Variants in RAP1A observed in about 807,000 individuals in gnomAD.
The protein encoded by RAP1A is RAP1A, member of RAS oncogene family.
In RAP1A, 6 loss-of-function variants were observed where a neutral mutation model predicts 26.4. The observed-to-expected ratio is 0.23, with a 90% CI of 0.12 to 0.45. The LOEUF (loss-of-function observed/expected upper bound fraction) is 0.45. Ranked by LOEUF, RAP1A falls within the 20% of genes least tolerant of loss-of-function variation. The probability of loss-of-function intolerance (pLI) is 0.99; values close to 1 mark genes in which losing one functional copy is unlikely to be tolerated. For missense variants in RAP1A, 121 were observed against 217.2 expected (o/e 0.56, Z 2.78); for synonymous variants, 73 against 79.4 (o/e 0.92, Z 0.43).
intron 1 of RAP1A, among the ~76,000 whole-genome samples, chr1:111,675,222 C>G (rs988850743): frequency 1.3e-5 from 2 of 152,150 alleles, no homozygotes; most frequent in African/African-American, 4.8e-5. Context: ...TGGCTCACAC[C>G]TGTAATCCCA....
chr1:111,687,261 G>A (rs1237014657), intron 1 of RAP1A, among the ~76,000 whole-genome samples: 3 of 148,500 alleles, frequency 2.0e-5, no homozygotes, highest in African/African-American at 7.5e-5. Flanking sequence ...AGGGTGGAGT[G>A]CAGTGGCATA....
At chr1:111,663,869 A>C (rs1450832843) in intron 1 of RAP1A, among the ~76,000 whole-genome samples, 1 of 151,794 alleles carries the variant, frequency 6.6e-6, no homozygotes, top group Non-Finnish European at 1.5e-5. Flanking sequence ...AGAAAAAGGC[A>C]CTTAAAAAAA....
intron 1 of RAP1A, among the ~76,000 whole-genome samples, chr1:111,646,120 A>C (rs539918165): frequency 6.6e-6 from 1 of 152,346 alleles, no homozygotes; most frequent in East Asian, 1.9e-4. Context: ...ATTTTTATAT[A>C]GTTGAAGGCA....
intron 1 of RAP1A, among the ~76,000 whole-genome samples, chr1:111,573,460 G>T (rs1004404138): frequency 6.6e-6 from 1 of 152,018 alleles, no homozygotes; most frequent in African/African-American, 2.4e-5. Flanking sequence ...TCAGCCTCCA[G>T]AGTAGCTGGG....
intron 1 of RAP1A, among the ~76,000 whole-genome samples, chr1:111,665,227 G>C (rs1319810762): frequency 6.6e-6 from 1 of 152,116 alleles, no homozygotes; most frequent in East Asian, 1.9e-4. Context: ...AAAGATATCA[G>C]AAACTTAGTT....
chr1:111,572,371 G>A (rs1658066986), intron 1 of RAP1A, among the ~76,000 whole-genome samples: 1 of 152,226 alleles, frequency 6.6e-6, no homozygotes, highest in African/African-American at 2.4e-5. Context: ...AAAGATGCTT[G>A]GAGGTTTGCA....
At chr1:111,547,148 G>A (rs1248281023) in intron 1 of RAP1A, among the ~76,000 whole-genome samples, 1 of 152,138 alleles carries the variant, frequency 6.6e-6, no homozygotes, top group Non-Finnish European at 1.5e-5. Context: ...GAAGTAGTGA[G>A]AATAGTAATT....
chr1:111,662,394 CAAA>C (rs60481679), intron 1 of RAP1A, among the ~76,000 whole-genome samples: 1,886 of 103,400 alleles, frequency 0.018, 53 homozygotes, highest in African/African-American at 0.065. Flanking sequence ...GACTCCATCT[CAAA>C]AAAAAAAAAA....
At chr1:111,617,846 C>G (rs1659046849), upstream of RAP1A, among the ~76,000 whole-genome samples, 1 of 151,612 alleles carries the variant, frequency 6.6e-6, no homozygotes, top group Non-Finnish European at 1.5e-5. Context: ...GAATTCGAGA[C>G]CAGCCTGGCC....
chr1:111,565,991 C>T (rs1339422796), intron 1 of RAP1A, among the ~76,000 whole-genome samples: 2 of 151,886 alleles, frequency 1.3e-5, no homozygotes, highest in African/African-American at 2.4e-5. Context: ...ATGGCACCTT[C>T]GAGGAGGAAC....
In RAP1A at chr1:111,709,024, C is replaced by A. The variant is rs150231367; in HGVS notation, c.469-125C>A. 24 of 1,279,288 alleles carry A rather than the reference C, an allele frequency of 1.9e-5. No homozygotes were observed. The African/African-American group carries it at 2.8e-4, about 15-fold the overall frequency. The allele number at this position is 1,279,288 out of a possible 1,614,324, so 79.2% of individuals were successfully genotyped here. A position where few individuals can be genotyped will look rare whatever the true frequency, so the allele number is the denominator to read the frequency against. On this transcript the variant is annotated intron_variant, in intron 6 of 7. Coordinates refer to ENST00000369709, the MANE Select transcript of RAP1A (RefSeq NM_002884.4). Reference sequence around the variant, plus strand: ...AAAGTCAGCAGAGCCTTCTAACAAACCTGACTTTAAAAGAAAGAAGCAGAA... The same window carrying A: ...AAAGTCAGCAGAGCCTTCTAACAAAACTGACTTTAAAAGAAAGAAGCAGAA...
chr1:111,587,956 C>A (rs529346416), intron 1 of RAP1A, among the ~76,000 whole-genome samples: 28 of 152,274 alleles, frequency 1.8e-4, no homozygotes, highest in African/African-American at 6.5e-4. Context: ...TTTTTGCTTT[C>A]CCCAGTCTAC....
At chr1:111,631,807 G>T (rs999991654) in intron 1 of RAP1A, among the ~76,000 whole-genome samples, 2 of 151,940 alleles carry the variant, frequency 1.3e-5, no homozygotes, top group South Asian at 4.2e-4. Context: ...AAATCATACG[G>T]TGAAAATCCT....
At position 111,561,778 on chromosome 1, in the gene RAP1A, G is replaced by C. The variant is rs77883661; in HGVS notation, c.-28+19269G>C. Among the ~76,000 whole-genome samples the C allele has an allele frequency of 6.4e-3, 978 of 152,242 alleles. 4 individuals are homozygous for C. Among genetic ancestry groups the C allele is most frequent in the Non-Finnish European group, 9.5e-3 (645 of 68,016 alleles). On this transcript the variant is annotated intron_variant, in intron 1 of 7. Coordinates refer to the RAP1A transcript ENST00000356415. The stretch of plus-strand genomic sequence containing the variant: ...TGTGTGTGTACGTATAATTGGAAGA[G>C]GGCCCTGTGTTGGGTCCATTCTGTC...
intron 1 of RAP1A, among the ~76,000 whole-genome samples, chr1:111,556,461 G>A (rs1057132777): frequency 2.0e-5 from 3 of 152,160 alleles, no homozygotes; most frequent in African/African-American, 4.8e-5. Context: ...CATGTTTATA[G>A]CAGCATTACT....
At chr1:111,660,918 G>T (rs979132190) in intron 1 of RAP1A, among the ~76,000 whole-genome samples, 1 of 152,080 alleles carries the variant, frequency 6.6e-6, no homozygotes, top group African/African-American at 2.4e-5. Context: ...TCCTCTAACT[G>T]CCCATCATCT....
At chr1:111,557,224 TAA>T (rs1377905082) in intron 1 of RAP1A, among the ~76,000 whole-genome samples, 1 of 151,944 alleles carries the variant, frequency 6.6e-6, no homozygotes, top group African/African-American at 2.4e-5. Context: ...AAATGAAAAA[TAA>T]GTTTACCTAA....
chr1:111,704,572 A>G (rs1239328113), intron 6 of RAP1A, 86 bp downstream of exon 6: 1 of 1,343,428 alleles, frequency 7.4e-7, no homozygotes, highest in African/African-American at 1.5e-5. Flanking sequence ...AAAAATTTTT[A>G]TCTTTTAAGC....
chr1:111,621,316 A>G (rs1361118241), intron 1 of RAP1A, among the ~76,000 whole-genome samples: 2 of 152,076 alleles, frequency 1.3e-5, no homozygotes, highest in African/African-American at 4.8e-5. Flanking sequence ...CTTGTGATGT[A>G]ATTTATTTCT....
Sources: allele counts gnomAD v4.1 joint callset (sites outside exome capture counted in the v4.1 genomes callset), GRCh38; gene constraint gnomAD v4.1.1; transcripts MANE v1.5; gene names NCBI Gene and HGNC (gene_info 2026-07-23, HGNC 2026-07-21).